Variants in NMNAT2 observed in about 807,000 individuals in gnomAD.
NMNAT2 encodes nicotinamide nucleotide adenylyltransferase 2.
A neutral mutation model predicts 41.6 loss-of-function variants in NMNAT2; 11 were observed. The observed-to-expected ratio is 0.26, with a 90% CI of 0.17 to 0.44. NMNAT2 has a LOEUF of 0.44. Among genes scored for constraint, NMNAT2 ranks in the 20% least tolerant of loss-of-function variants. The pLI, the probability that NMNAT2 is intolerant of heterozygous loss-of-function variation, is 1.00. For missense variants in NMNAT2, 288 were observed against 407.7 expected (o/e 0.71, Z 2.53); for synonymous variants, 148 against 151.2 (o/e 0.98, Z 0.16).
chr1:183,322,358 G>T (rs1049468204), intron 1 of NMNAT2, among the ~76,000 whole-genome samples: 1 of 152,144 alleles, frequency 6.6e-6, no homozygotes, highest in Non-Finnish European at 1.5e-5. Context: ...TCAGACCTGG[G>T]TATGGGGGCC....
intron 1 of NMNAT2, among the ~76,000 whole-genome samples, chr1:183,358,313 A>G (rs1035892773): frequency 1.3e-5 from 2 of 152,176 alleles, no homozygotes; most frequent in Admixed American, 6.5e-5. Context: ...AAAATAACTA[A>G]TGGGCTTAAT....
chr1:183,395,169 G>T (rs1479779808), intron 1 of NMNAT2, among the ~76,000 whole-genome samples: 1 of 152,154 alleles, frequency 6.6e-6, no homozygotes, highest in Non-Finnish European at 1.5e-5. Context: ...CTCCATATGT[G>T]AAAGGATAGG....
Position 183,275,989 on chromosome 1 carries a change from C to T in NMNAT2, c.651+2564G>A, listed in dbSNP as rs1030135395. ...CAGCCTAGTATTTCAGTTTTAAAAC[C>T]GGGTAAGTCTTGCAGAAACGGGGAC... On this transcript the variant is annotated intron_variant, in intron 8 of 10. Transcript: ENST00000287713. Among the ~76,000 whole-genome samples, 69 of 152,226 alleles carry T rather than the reference C, an allele frequency of 4.5e-4. 2 individuals carry two copies. Among genetic ancestry groups the T allele is most frequent in the African/African-American group, 9.6e-5 (4 of 41,542 alleles).
chr1:183,309,456 T>G (rs1662061600), intron 1 of NMNAT2, among the ~76,000 whole-genome samples: 1 of 152,224 alleles, frequency 6.6e-6, no homozygotes, highest in African/African-American at 2.4e-5. Flanking sequence ...TCCACTCATC[T>G]CTAGGCCTCA....
rs568521490 is a variant in NMNAT2 at position 183,376,585 on chromosome 1, G to A, written c.85+41598C>T. On this transcript the variant is annotated intron_variant, in intron 1 of 10. Transcript: ENST00000287713. ...TGCCATGATGCGATGACAGGTGAGT[G>A]ATTTTTGGTTTGGAAACTAAAAAGT... is the stretch of plus-strand genomic sequence containing the variant. 1.3e-3 allele frequency among the ~76,000 whole-genome samples: 200 copies of A among 152,268 alleles called. 1 individual carries two copies. Among genetic ancestry groups the A allele is most frequent in the African/African-American group, 4.7e-3 (194 of 41,562 alleles).
rs549003634 is a variant in NMNAT2, at chr1:183,371,423, T to C, written c.85+46760A>G. 7.9e-5 allele frequency among the ~76,000 whole-genome samples: 12 copies of C among 152,188 alleles called. No individual in the cohort carries two copies. In the East Asian group the frequency reaches 9.7e-4, roughly 12 times the overall value. On this transcript the variant is annotated intron_variant, in intron 1 of 10. Coordinates refer to ENST00000287713, the MANE Select transcript of NMNAT2 (RefSeq NM_015039.4). The stretch of plus-strand genomic sequence containing the variant: ...TGTCAATAAACATTGTCCAAAACCA[T>C]AGGATGCACAACACCCCGAATGAGC...
At chr1:183,371,972 G>A (rs760891725) in intron 1 of NMNAT2, among the ~76,000 whole-genome samples, 3 of 152,036 alleles carry the variant, frequency 2.0e-5, no homozygotes, top group Non-Finnish European at 4.4e-5. Flanking sequence ...GTAGAGATGG[G>A]TCTCAACACA....
intron 7 of NMNAT2, among the ~76,000 whole-genome samples, chr1:183,281,645 T>C (rs548165374): frequency 6.6e-6 from 1 of 152,332 alleles, no homozygotes; most frequent in South Asian, 2.1e-4. Flanking sequence ...ATCCCACATA[T>C]GGCCACTGGA....
chr1:183,413,035 C>G (rs1399409922), intron 1 of NMNAT2, among the ~76,000 whole-genome samples: 2 of 152,140 alleles, frequency 1.3e-5, no homozygotes. Context: ...AAGAATTTTC[C>G]TGGCTGGCTC....
intron 1 of NMNAT2, among the ~76,000 whole-genome samples, chr1:183,313,020 C>A (rs1662159247): frequency 6.6e-6 from 1 of 152,128 alleles, no homozygotes; most frequent in Admixed American, 6.5e-5. Flanking sequence ...AAGCCCAATT[C>A]CAGCTTTCAC....
intron 1 of NMNAT2, among the ~76,000 whole-genome samples, chr1:183,401,482 TCAA>T (rs1357720700): frequency 6.6e-6 from 1 of 152,196 alleles, no homozygotes; most frequent in Admixed American, 6.5e-5. Context: ...GTAAACTAGT[TCAA>T]CCATTGTGGA....
intron 1 of NMNAT2, among the ~76,000 whole-genome samples, chr1:183,385,277 G>T (rs1318695063): frequency 6.6e-6 from 1 of 152,092 alleles, no homozygotes; most frequent in Non-Finnish European, 1.5e-5. Flanking sequence ...ATATACGTGT[G>T]CCTGCCTGTT....
rs1335527592 is a variant in NMNAT2, at chr1:183,339,850, T to C, written c.86-46057A>G. ...CCAATGAGAGGTCCTGAAGGAGCTA[T>C]GTCTGCCTCAGGTGGGTGTTGGAAG... is the stretch of plus-strand genomic sequence containing the variant. On this transcript the variant is annotated intron_variant, in intron 1 of 10. Transcript: ENST00000287713. Among the ~76,000 whole-genome samples, 8 of 152,296 alleles carry C rather than the reference T, an allele frequency of 5.3e-5. No individual in the cohort carries two copies. The East Asian group carries it at 1.2e-3, about 22-fold the overall frequency.
intron 6 of NMNAT2, among the ~76,000 whole-genome samples, chr1:183,284,313 C>A (rs1354579883): frequency 2.6e-5 from 4 of 152,338 alleles, no homozygotes; most frequent in African/African-American, 9.6e-5. Flanking sequence ...CACACACACG[C>A]TCATGCTGAG....
At chr1:183,297,290 C>G (rs942585626) in intron 1 of NMNAT2, among the ~76,000 whole-genome samples, 3 of 151,892 alleles carry the variant, frequency 2.0e-5, no homozygotes, top group African/African-American at 7.3e-5. Context: ...AGTAAAAGTG[C>G]ATAGCGCTAA....
chr1:183,369,263 C>CTTTTTTTTTTTTTTT (rs55925461), intron 1 of NMNAT2, among the ~76,000 whole-genome samples: 2 of 140,092 alleles, frequency 1.4e-5, no homozygotes, highest in Non-Finnish European at 3.1e-5. Context: ...CTTTTCTTTT[C>CTTTTTTTTTTTTTTT]TTTTTTTTTT....
chr1:183,377,728 G>A (rs1239306291), intron 1 of NMNAT2, among the ~76,000 whole-genome samples: 3 of 152,054 alleles, frequency 2.0e-5, no homozygotes, highest in Non-Finnish European at 2.9e-5. Context: ...AAAAGTACAA[G>A]GCAACAAAAA....
chr1:183,402,282 T>C (rs919046262), intron 1 of NMNAT2, among the ~76,000 whole-genome samples: 4 of 152,188 alleles, frequency 2.6e-5, no homozygotes, highest in Non-Finnish European at 5.9e-5. Flanking sequence ...TGAACCTAAC[T>C]CAGACTCAGA....
intron 1 of NMNAT2, among the ~76,000 whole-genome samples, chr1:183,297,586 G>T (rs755011553): frequency 6.6e-6 from 1 of 151,956 alleles, no homozygotes; most frequent in African/African-American, 2.4e-5. Flanking sequence ...TTCTCCATGT[G>T]GTCAGGCTGA....
Sources: allele counts gnomAD v4.1 joint callset (sites outside exome capture counted in the v4.1 genomes callset), GRCh38; gene constraint gnomAD v4.1.1; transcripts MANE v1.5; gene names NCBI Gene and HGNC (gene_info 2026-07-23, HGNC 2026-07-21).